TRAPPC10: variants seen among roughly 807,000 people sequenced by gnomAD.
TRAPPC10 encodes the protein TRAPP 130 kDa subunit.
TRAPPC10 carries 23 observed loss-of-function variants against 125.5 expected under a neutral mutation model. The ratio of observed to expected loss-of-function variants is 0.18; its 90% CI spans 0.13 to 0.26. TRAPPC10 has a LOEUF of 0.26. Among genes scored for constraint, TRAPPC10 ranks in the 10% least tolerant of loss-of-function variants. TRAPPC10 has a pLI of 1.00. For missense variants in TRAPPC10, 1,123 were observed against 1,308.4 expected, an observed-to-expected ratio of 0.86 and a Z score of 2.19; for synonymous variants, 509 against 518.0, an observed-to-expected ratio of 0.98 and a Z score of 0.24.
intron 4 of TRAPPC10, among the ~76,000 whole-genome samples, chr21:44,053,821 A>G (rs2035385841): frequency 6.6e-6 from 1 of 152,186 alleles, no homozygotes; most frequent in Non-Finnish European, 1.5e-5. Flanking sequence ...TTGGCCCACC[A>G]TCCCTGACTT....
rs146696263 is a variant in TRAPPC10, at chr21:44,085,447, C to G, written c.2380+1184C>G. 3.7e-3 allele frequency among the ~76,000 whole-genome samples: 557 copies of G among 152,270 alleles called. 3 individuals carry two copies. The highest frequency in any genetic ancestry group is 0.011 in the African/African-American group (470 of 41,554). On this transcript the variant is annotated intron_variant, in intron 15 of 22. Coordinates refer to ENST00000291574, the MANE Select transcript of TRAPPC10 (RefSeq NM_003274.5). The stretch of plus-strand genomic sequence containing the variant: ...GTTAGGATCTATACTCAGATCCCAG[C>G]ACTTTGGGAGGCCAAGGCTTTGAGA...
chr21:44,023,697 C>T lies in TRAPPC10; in HGVS notation c.68-8394C>T, dbSNP rs1161146193. Among the ~76,000 whole-genome samples the T allele has an allele frequency of 2.6e-5, 4 of 152,366 alleles. No homozygotes were observed. The East Asian group carries it at 7.7e-4, about 29-fold the overall frequency. On this transcript the variant is annotated intron_variant, in intron 1 of 22. Transcript: ENST00000291574. Reference sequence around the variant, plus strand: ...GTATTTCAAGACCATAGTCTGCAAGCTTGGGCTCCTAGTTGCTGTGAGGCC... The same window carrying T: ...GTATTTCAAGACCATAGTCTGCAAGTTTGGGCTCCTAGTTGCTGTGAGGCC...
chr21:44,034,809 T>G (rs1279799114), intron 2 of TRAPPC10, among the ~76,000 whole-genome samples: 1 of 152,114 alleles, frequency 6.6e-6, no homozygotes, highest in Non-Finnish European at 1.5e-5. Flanking sequence ...GTAGAAGACC[T>G]TGTGAAGATG....
At chr21:44,073,273 A>C (rs1192168083) in intron 7 of TRAPPC10, among the ~76,000 whole-genome samples, 1 of 152,098 alleles carries the variant, frequency 6.6e-6, no homozygotes, top group African/African-American at 2.4e-5. Context: ...AAGAGTTCTT[A>C]TGGGAGTCAG....
chr21:44,073,531 T>C (rs1413356650), intron 7 of TRAPPC10, among the ~76,000 whole-genome samples: 1 of 152,202 alleles, frequency 6.6e-6, no homozygotes, highest in African/African-American at 2.4e-5. Context: ...GTTTTCTTTT[T>C]TTTGTTTTTT....
At chr21:44,079,856 A>G (rs958986480) in intron 12 of TRAPPC10, 152 bp downstream of exon 12, 75 of 1,088,546 alleles carry the variant, frequency 6.9e-5, no homozygotes, top group Non-Finnish European at 9.4e-5. Flanking sequence ...TGAAATGTCT[A>G]GTCGATTTTT....
intron 1 of TRAPPC10, among the ~76,000 whole-genome samples, chr21:44,027,950 A>G (rs2147229204): frequency 6.6e-6 from 1 of 152,310 alleles, no homozygotes; most frequent in Non-Finnish European, 1.5e-5. Context: ...CCCTCCAGAA[A>G]TGATAAATAA....
In TRAPPC10 at chr21:44,083,163, A is replaced by G; in HGVS notation, c.2099A>G (p.His700Arg). The change falls in exon 14 of 23, where the codon CAC (histidine) becomes CGC (arginine). Residue 700 changes from histidine (H) to arginine (R), a missense_variant. By Grantham distance (29) the His-to-Arg change is conservative. This residue lies in a region of TRAPPC10 where 840 missense variants were observed against 902.0 expected (regional missense o/e 0.93). Transcript: ENST00000291574. ...ACTGGGATTATCTGCAGAAACGTCC[A>G]CATGCTCCTGAGAAGGCAGGAGAGC... Reference protein sequence around the residue: ...NTTGIICRNVHMLLRRQESSS... With the variant: ...NTTGIICRNVRMLLRRQESSS... 1 of 1,614,246 alleles carries G rather than the reference A, an allele frequency of 6.2e-7. No individual in the cohort carries two copies. Among genetic ancestry groups the G allele is most frequent in the Non-Finnish European group, 8.5e-7 (1 of 1,180,050 alleles).
chr21:44,022,502 T>A (rs556473443), intron 1 of TRAPPC10, among the ~76,000 whole-genome samples: 1 of 141,046 alleles, frequency 7.1e-6, no homozygotes, highest in South Asian at 2.2e-4. Context: ...TTAGTAGAGA[T>A]GGGGTTTCTC....
At chr21:44,018,226 C>A (rs1306459971) in intron 1 of TRAPPC10, among the ~76,000 whole-genome samples, 2 of 151,218 alleles carry the variant, frequency 1.3e-5, no homozygotes, top group African/African-American at 4.9e-5. Flanking sequence ...ATAGGGAATT[C>A]CTATCTCTAC....
At chr21:44,037,709 T>C (rs1184557954) in intron 2 of TRAPPC10, 83 bp from the exon 3 acceptor site, 1 of 1,487,962 alleles carries the variant, frequency 6.7e-7, no homozygotes, top group Non-Finnish European at 9.1e-7. Flanking sequence ...TGCATACCAT[T>C]ACATTATTTG....
At chr21:44,085,096 C>T (rs2038037882) in intron 15 of TRAPPC10, among the ~76,000 whole-genome samples, 1 of 152,182 alleles carries the variant, frequency 6.6e-6, no homozygotes, top group African/African-American at 2.4e-5. Context: ...CCTTCAGCCC[C>T]TCTTTCCTCC....
chr21:44,075,085 C>T lies in TRAPPC10; in HGVS notation c.1232C>T (p.Pro411Leu), dbSNP rs1039933597. ...YLCGLVSEKGPNSEDLNRTVD... is the reference protein window; with the variant it reads ...YLCGLVSEKGLNSEDLNRTVD... Reference sequence around the variant, plus strand: ...TGTGGACTTGTGTCAGAGAAAGGACCTAACTCAGAAGATCTCAACAGGACA... The same window carrying T: ...TGTGGACTTGTGTCAGAGAAAGGACTTAACTCAGAAGATCTCAACAGGACA... The change falls in exon 9 of 23, where the codon CCT (proline) becomes CTT (leucine). Residue 411 changes from proline to leucine, a missense_variant. Physicochemically the swap from Pro to Leu is moderately conservative, Grantham distance 98 (BLOSUM62 -3). Transcript: ENST00000291574. 9 of 1,614,120 alleles carry T rather than the reference C, an allele frequency of 5.6e-6. No individual in the cohort carries two copies. The highest frequency in any genetic ancestry group is 7.6e-6 in the Non-Finnish European group (9 of 1,180,008).
At chr21:44,037,150 C>T (rs142768402) in intron 2 of TRAPPC10, among the ~76,000 whole-genome samples, 10 of 152,176 alleles carry the variant, frequency 6.6e-5, no homozygotes, top group East Asian at 1.9e-4. Context: ...AGTAAAGGCA[C>T]GGCACAGAGA....
At position 44,080,001 on chromosome 21, in the gene TRAPPC10, C is replaced by A; in HGVS notation, c.1611-14C>A. 2 of 1,611,448 alleles carry A rather than the reference C, an allele frequency of 1.2e-6. No individual in the cohort carries two copies. Among genetic ancestry groups the A allele is most frequent in the Non-Finnish European group, 1.7e-6 (2 of 1,177,788 alleles). ...AGTATGAGCCTCTCCACGCTCCTTA[C>A]CTCTCCGCTCCAGCTACCTGCAGAC... On this transcript the variant is annotated splice_polypyrimidine_tract_variant and intron_variant, in intron 12 of 22. Coordinates refer to ENST00000291574, the MANE Select transcript of TRAPPC10 (RefSeq NM_003274.5).
At chr21:44,026,448 G>A (rs182930043) in intron 1 of TRAPPC10, among the ~76,000 whole-genome samples, 2 of 152,108 alleles carry the variant, frequency 1.3e-5, no homozygotes, top group South Asian at 2.1e-4. Context: ...TGTTTTTATC[G>A]TCCATTTGAA....
chr21:44,028,272 A>G (rs2147232086), intron 1 of TRAPPC10, among the ~76,000 whole-genome samples: 1 of 152,216 alleles, frequency 6.6e-6, no homozygotes, highest in East Asian at 1.9e-4. Context: ...AAATAATCCA[A>G]AAACTGATTG....
At chr21:44,051,802 C>T (rs1429065690) in intron 3 of TRAPPC10, among the ~76,000 whole-genome samples, 1 of 152,210 alleles carries the variant, frequency 6.6e-6, no homozygotes, top group Non-Finnish European at 1.5e-5. Context: ...GTAGAAGCTG[C>T]CGGGAAGCTT....
chr21:44,056,344 G>A (rs1440750509), intron 5 of TRAPPC10, among the ~76,000 whole-genome samples: 1 of 152,130 alleles, frequency 6.6e-6, no homozygotes, highest in African/African-American at 2.4e-5. Flanking sequence ...AGAACTGTTG[G>A]AGGCAGGATT....
Sources: gnomAD v4.1 joint callset for allele counts (sites outside exome capture counted in the v4.1 genomes callset) on GRCh38, gnomAD v4.1.1 for gene constraint, gnomAD v4.1.1 regional missense constraint, MANE v1.5 for transcripts, NCBI Gene and HGNC (gene_info 2026-07-23, HGNC 2026-07-21) for gene names.